The following NKAIN2 variants were observed in gnomAD, a reference collection of about 807,000 sequenced individuals.
The protein encoded by NKAIN2 is sodium/potassium transporting ATPase interacting 2, also known as sodium/potassium-transporting ATPase subunit beta-1-interacting protein 2.
NKAIN2 carries 14 observed loss-of-function variants against 32.6 expected under a neutral mutation model. The ratio of observed to expected loss-of-function variants is 0.43; its 90% CI spans 0.28 to 0.67. The LOEUF is 0.67. Ranked by LOEUF, NKAIN2 falls within the 30% of genes least tolerant of loss-of-function variation. The probability of loss-of-function intolerance (pLI) is 0.17; values close to 1 mark genes in which losing one functional copy is unlikely to be tolerated. For missense variants in NKAIN2, 198 were observed against 258.3 expected, an observed-to-expected ratio of 0.77 and a Z score of 1.60; for synonymous variants, 80 against 87.2, an observed-to-expected ratio of 0.92 and a Z score of 0.46.
intron 4 of NKAIN2, among the ~76,000 whole-genome samples, chr6:124,704,742 A>G (rs1774968172): frequency 6.6e-6 from 1 of 151,920 alleles, no homozygotes; most frequent in Non-Finnish European, 1.5e-5. Context: ...TAATTCTGAG[A>G]GACTTTCATT....
At chr6:124,244,124 T>C (rs937816488) in intron 1 of NKAIN2, among the ~76,000 whole-genome samples, 4 of 151,766 alleles carry the variant, frequency 2.6e-5, no homozygotes, top group South Asian at 4.2e-4. Flanking sequence ...AGTTTTAGGG[T>C]ACATGTGCAC....
chr6:123,873,803 A>G (rs769727137), intron 1 of NKAIN2, among the ~76,000 whole-genome samples: 15 of 152,176 alleles, frequency 9.9e-5, no homozygotes, highest in Admixed American at 3.9e-4. Flanking sequence ...TATAATTATC[A>G]AGTACAATTG....
chr6:124,748,410 A>C (rs1481734365), intron 4 of NKAIN2, among the ~76,000 whole-genome samples: 1 of 151,974 alleles, frequency 6.6e-6, no homozygotes, highest in African/African-American at 2.4e-5. Context: ...CTCTTCTTAC[A>C]TCAGGAAAGC....
At chr6:124,270,719 G>A (rs1265433450) in intron 1 of NKAIN2, among the ~76,000 whole-genome samples, 4 of 152,130 alleles carry the variant, frequency 2.6e-5, no homozygotes, top group Non-Finnish European at 5.9e-5. Flanking sequence ...TTAATATATA[G>A]GCAACCCATC....
intron 1 of NKAIN2, among the ~76,000 whole-genome samples, chr6:124,249,683 C>A (rs1166876806): frequency 1.3e-5 from 2 of 151,916 alleles, no homozygotes; most frequent in African/African-American, 4.8e-5. Context: ...GAAAGTGGGA[C>A]CCATGGGAGT....
At chr6:123,911,812 T>TATACACACACAC (rs1331943561) in intron 1 of NKAIN2, among the ~76,000 whole-genome samples, 1 of 85,014 alleles carries the variant, frequency 1.2e-5, no homozygotes, top group African/African-American at 4.6e-5. Flanking sequence ...TATATATATA[T>TATACACACACAC]ACACACACAC....
At chr6:123,997,850 G>A (rs190197927) in intron 1 of NKAIN2, among the ~76,000 whole-genome samples, 78 of 152,028 alleles carry the variant, frequency 5.1e-4, no homozygotes, top group Admixed American at 7.9e-4. Context: ...TGATCCTCCC[G>A]CCTCGGCCTC....
At chr6:124,358,714 T>C (rs1193659281) in intron 3 of NKAIN2, among the ~76,000 whole-genome samples, 3 of 152,034 alleles carry the variant, frequency 2.0e-5, no homozygotes, top group South Asian at 2.1e-4. Flanking sequence ...TTCTCCCATG[T>C]TGTAGGTTGC....
intron 3 of NKAIN2, among the ~76,000 whole-genome samples, chr6:124,600,507 T>A (rs1027750117): frequency 2.6e-5 from 4 of 152,264 alleles, no homozygotes; most frequent in South Asian, 2.1e-4. Context: ...TTCATGTTTA[T>A]AATTTATTTC....
rs902575538 is a variant in NKAIN2, at chr6:124,773,013, G to A, written c.475-18326G>A. ...AAGACTGAAATTCATAAGTAGGTGG[G>A]AGAAAAAAACATAAGAGACTATTGT... On this transcript the variant is annotated intron_variant, in intron 4 of 6. Transcript: ENST00000368417. Among the ~76,000 whole-genome samples, 21 of 7,454 alleles carry A rather than the reference G, an allele frequency of 2.8e-3. No homozygotes were observed. The South Asian group carries it at 0.36, about 127-fold the overall frequency. The allele number at this position is 7,454 out of a possible 152,430, so 4.9% of individuals were successfully genotyped here.
chr6:124,023,142 T>A (rs546906488), intron 1 of NKAIN2, among the ~76,000 whole-genome samples: 1 of 151,210 alleles, frequency 6.6e-6, no homozygotes, highest in East Asian at 1.9e-4. Flanking sequence ...ACAAGCAACC[T>A]CTACTAGCAT....
intron 3 of NKAIN2, among the ~76,000 whole-genome samples, chr6:124,487,312 A>G (rs984295983): frequency 6.6e-6 from 1 of 152,168 alleles, no homozygotes; most frequent in Admixed American, 6.6e-5. Flanking sequence ...TGAGACTCCA[A>G]TTATTATTGA....
intron 3 of NKAIN2, among the ~76,000 whole-genome samples, chr6:124,493,848 G>A (rs186478174): frequency 3.3e-5 from 5 of 151,006 alleles, no homozygotes; most frequent in East Asian, 2.0e-4. Context: ...TGGTTGACAC[G>A]ACCCCTTACT....
chr6:124,498,086 C>G (rs1778136457), intron 3 of NKAIN2, among the ~76,000 whole-genome samples: 1 of 152,110 alleles, frequency 6.6e-6, no homozygotes, highest in South Asian at 2.1e-4. Context: ...GAGTAATACA[C>G]CTTCTCATTT....
intron 1 of NKAIN2, among the ~76,000 whole-genome samples, chr6:123,943,652 G>A (rs550035753): frequency 2.6e-5 from 4 of 152,142 alleles, no homozygotes; most frequent in African/African-American, 4.8e-5. Context: ...CATAGTCATT[G>A]CACTGTACTG....
At chr6:124,391,873 C>T (rs1340063466) in intron 3 of NKAIN2, among the ~76,000 whole-genome samples, 1 of 152,094 alleles carries the variant, frequency 6.6e-6, no homozygotes, top group East Asian at 1.9e-4. Context: ...AGAGTGTGGA[C>T]TTCATGGATT....
At position 124,016,963 on chromosome 6, in the gene NKAIN2, C is replaced by A. The variant is rs1320755775; in HGVS notation, c.54+212709C>A. On this transcript the variant is annotated intron_variant, in intron 1 of 6. Transcript: ENST00000368417. The stretch of plus-strand genomic sequence containing the variant: ...CCTTTAAGTTCAAGCCTATCAAAAC[C>A]TACCTATTCTGTATGTACCCTGTGT... 4.6e-5 allele frequency among the ~76,000 whole-genome samples: 7 copies of A among 152,160 alleles called. No individual in the cohort carries two copies. The East Asian group carries it at 1.2e-3, about 25-fold the overall frequency.
intron 3 of NKAIN2, among the ~76,000 whole-genome samples, chr6:124,520,338 T>C (rs1210983163): frequency 6.6e-6 from 1 of 152,202 alleles, no homozygotes; most frequent in African/African-American, 2.4e-5. Flanking sequence ...TACTGTTATA[T>C]GTAATGAAAG....
At chr6:124,104,403 G>A (rs555472902) in intron 1 of NKAIN2, among the ~76,000 whole-genome samples, 24 of 152,148 alleles carry the variant, frequency 1.6e-4, no homozygotes, top group Admixed American at 3.9e-4. Context: ...AACTTGAAAC[G>A]CTTATCTGAA....
Sources: allele counts gnomAD v4.1 joint callset (sites outside exome capture counted in the v4.1 genomes callset), GRCh38; gene constraint gnomAD v4.1.1; transcripts MANE v1.5; gene names NCBI Gene and HGNC (gene_info 2026-07-23, HGNC 2026-07-21).